SNX29: variants seen among roughly 807,000 people sequenced by gnomAD.
SNX29 encodes the protein sorting nexin-29.
A neutral mutation model predicts 102.1 loss-of-function variants in SNX29; 78 were observed. The observed-to-expected ratio is 0.76, with a 90% CI of 0.64 to 0.92. The LOEUF (loss-of-function observed/expected upper bound fraction) is 0.92, where lower values mean the gene tolerates loss of function less well. Among genes scored for constraint, SNX29 ranks in the 40% least tolerant of loss-of-function variants. The pLI, the probability that SNX29 is intolerant of heterozygous loss-of-function variation, is 0.00. For synonymous variants in SNX29, 580 were observed against 414.5 expected, an observed-to-expected ratio of 1.40 and a Z score of -4.85; for missense variants, 1,280 against 1,061.7, an observed-to-expected ratio of 1.21 and a Z score of -2.86.
intron 18 of SNX29, among the ~76,000 whole-genome samples, chr16:12,427,935 C>G (rs1382841916): frequency 6.6e-6 from 1 of 152,174 alleles, no homozygotes; most frequent in African/African-American, 2.4e-5. Flanking sequence ...TAGCAGTTAC[C>G]CGAAGCACAG....
chr16:12,141,979 T>C (rs1039106698), intron 13 of SNX29, among the ~76,000 whole-genome samples: 1 of 152,230 alleles, frequency 6.6e-6, no homozygotes, highest in Non-Finnish European at 1.5e-5. Flanking sequence ...GGAGCTGTTA[T>C]GGTTCAAACA....
intron 20 of SNX29, among the ~76,000 whole-genome samples, chr16:12,540,716 G>C (rs372435852): frequency 6.6e-6 from 1 of 152,316 alleles, no homozygotes; most frequent in East Asian, 1.9e-4. Context: ...AGACGCTCCA[G>C]GGATGAAGAG....
rs147558396 is a variant in SNX29, at chr16:12,059,221, C to T, written c.1125-2307C>T. Among the ~76,000 whole-genome samples the T allele has an allele frequency of 2.4e-4, 37 of 152,304 alleles. No homozygotes were observed. In the South Asian group the frequency reaches 3.7e-3, roughly 15 times the overall value. On this transcript the variant is annotated intron_variant, in intron 8 of 20. Coordinates refer to ENST00000566228, the MANE Select transcript of SNX29 (RefSeq NM_032167.5). Reference sequence around the variant, plus strand: ...TATCTTAGAAACCAGCAGAACATCGCACCTGCCCTGAGGCAGTGGAGTGGC... The same window carrying T: ...TATCTTAGAAACCAGCAGAACATCGTACCTGCCCTGAGGCAGTGGAGTGGC...
chr16:12,545,762 G>A (rs1361672966), intron 20 of SNX29, among the ~76,000 whole-genome samples: 3 of 152,096 alleles, frequency 2.0e-5, no homozygotes, highest in Non-Finnish European at 4.4e-5. Flanking sequence ...AGATGGAGAG[G>A]CAGCTTTTAA....
chr16:12,083,730 C>T (rs2052024323), intron 11 of SNX29, among the ~76,000 whole-genome samples: 1 of 152,206 alleles, frequency 6.6e-6, no homozygotes, highest in African/African-American at 2.4e-5. Flanking sequence ...ACCTGAGATT[C>T]TCCTCTAGAG....
chr16:12,148,232 C>T (rs542822228), intron 13 of SNX29, among the ~76,000 whole-genome samples: 1 of 152,306 alleles, frequency 6.6e-6, no homozygotes, highest in African/African-American at 2.4e-5. Context: ...GAGGTGGGGT[C>T]CTGGAATGCC....
At chr16:12,269,837 C>CCATCATCAT (rs201886063) in intron 14 of SNX29, among the ~76,000 whole-genome samples, 1 of 129,202 alleles carries the variant, frequency 7.7e-6, no homozygotes, top group East Asian at 2.1e-4. Flanking sequence ...ATCATCATCA[C>CCATCATCAT]CATCATCATC....
At chr16:12,417,092 C>T (rs1185135061) in intron 18 of SNX29, among the ~76,000 whole-genome samples, 1 of 152,256 alleles carries the variant, frequency 6.6e-6, no homozygotes, top group African/African-American at 2.4e-5. Flanking sequence ...CCAGCCACCT[C>T]AGGCACAGTA....
intron 18 of SNX29, among the ~76,000 whole-genome samples, chr16:12,457,828 AAATTAACTG>A (rs1224499381): frequency 6.6e-6 from 1 of 152,234 alleles, no homozygotes; most frequent in Non-Finnish European, 1.5e-5. Context: ...TACATTGGGT[AAATTAACTG>A]TATTACGATG....
At chr16:12,563,368 C>T (rs910213839) in intron 20 of SNX29, among the ~76,000 whole-genome samples, 1 of 152,322 alleles carries the variant, frequency 6.6e-6, no homozygotes, top group East Asian at 1.9e-4. Flanking sequence ...CTTTTATCGC[C>T]ACGTTGATAT....
At chr16:12,117,884 A>G (rs1596955649) in intron 11 of SNX29, among the ~76,000 whole-genome samples, 1 of 152,116 alleles carries the variant, frequency 6.6e-6, no homozygotes, top group Admixed American at 6.6e-5. Context: ...TCACAAGGTC[A>G]GGAGATTGAG....
Position 12,261,992 on chromosome 16 carries a change from G to A in SNX29, c.1679-15941G>A, listed in dbSNP as rs567906593. ...TTGCTGAGCTCGGGTCTGTGTGCAC[G>A]TCCCCGGCTGGAGTGAGTGTTTGCT... On this transcript the variant is annotated intron_variant, in intron 14 of 20. Transcript: ENST00000566228. Among the ~76,000 whole-genome samples, 262 of 142,158 alleles carry A rather than the reference G, an allele frequency of 1.8e-3. 9 individuals are homozygous for A. The highest frequency in any genetic ancestry group is 2.4e-3 in the Admixed American group (34 of 14,400). 93.3% of individuals were successfully genotyped at this position (142,158 alleles called of 152,430 possible).
chr16:12,480,814 AAG>A (rs1567607690), intron 19 of SNX29, among the ~76,000 whole-genome samples: 1 of 152,168 alleles, frequency 6.6e-6, no homozygotes, highest in Admixed American at 6.5e-5. Context: ...ATCCTGTAGA[AAG>A]AGGGCATGAA....
chr16:12,534,430 G>A (rs1280117876), intron 20 of SNX29, among the ~76,000 whole-genome samples: 2 of 152,180 alleles, frequency 1.3e-5, no homozygotes, highest in South Asian at 2.1e-4. Context: ...GGCTGCACTC[G>A]GTTGCCTGTA....
chr16:12,293,990 G>C (rs1249178934), intron 15 of SNX29, among the ~76,000 whole-genome samples: 1 of 152,226 alleles, frequency 6.6e-6, no homozygotes, highest in East Asian at 1.9e-4. Flanking sequence ...TGTGCTTACT[G>C]ATGGTCAGGG....
At chr16:12,294,463 C>T (rs369782894) in intron 15 of SNX29, among the ~76,000 whole-genome samples, 1 of 152,138 alleles carries the variant, frequency 6.6e-6, no homozygotes, top group Non-Finnish European at 1.5e-5. Context: ...GAGAATGAGT[C>T]TTCTTGGTTT....
At position 12,554,549 on chromosome 16, in the gene SNX29, C is replaced by G. The variant is rs562858908; in HGVS notation, c.2319-13957C>G. ...ACATTCTCGCCCACGTTTTTGTGAA[C>G]TTGTTCAACAATTTCTTAAAGCTGA... On this transcript the variant is annotated intron_variant, in intron 20 of 20. Transcript: ENST00000566228. Among the ~76,000 whole-genome samples, 8 of 152,342 alleles carry G rather than the reference C, an allele frequency of 5.3e-5. No homozygotes were observed. In the East Asian group the frequency reaches 7.7e-4, roughly 15 times the overall value.
At chr16:12,415,593 C>T (rs923067094) in intron 18 of SNX29, among the ~76,000 whole-genome samples, 1 of 152,216 alleles carries the variant, frequency 6.6e-6, no homozygotes. Context: ...ATGCCAGGCC[C>T]AGCGTCTGCC....
chr16:12,551,749 G>C (rs2077989885), intron 20 of SNX29, among the ~76,000 whole-genome samples: 1 of 152,228 alleles, frequency 6.6e-6, no homozygotes, highest in Non-Finnish European at 1.5e-5. Context: ...AATACTTCCT[G>C]GCTGCCTTGT....
Sources: gnomAD v4.1 joint callset for allele counts (sites outside exome capture counted in the v4.1 genomes callset) on GRCh38, gnomAD v4.1.1 for gene constraint, MANE v1.5 for transcripts, NCBI Gene and HGNC (gene_info 2026-07-23, HGNC 2026-07-21) for gene names.